Variants in CDK14 observed in about 807,000 individuals in gnomAD.
CDK14 encodes the protein cyclin dependent kinase 14.
A neutral mutation model predicts 60.7 loss-of-function variants in CDK14; 34 were observed. That is an observed-to-expected ratio of 0.56 (90% CI 0.43 to 0.75). CDK14 has a LOEUF of 0.75. CDK14 is among the 30% of genes least tolerant of loss of function. The pLI, the probability that CDK14 is intolerant of heterozygous loss-of-function variation, is 0.00. For missense variants in CDK14, 482 were observed against 564.1 expected (o/e 0.85, Z 1.47); for synonymous variants, 197 against 203.7 (o/e 0.97, Z 0.28).
At position 90,874,503 on chromosome 7, in the gene CDK14, CTTTTTTTTTTTTTTTTTTTT is replaced by C. The variant is rs747439482; in HGVS notation, c.639+11251_639+11270del. ...ATCTGGAATCTCATGTCCTTTCATCCTTTTTTTTTTTTTTTTTTTTTTTTTTTTTTTTTTTTGAGACGGAG... is the reference window on the plus strand; with the variant it reads ...ATCTGGAATCTCATGTCCTTTCATCCTTTTTTTTTTTTTTTTGAGACGGAG... On this transcript the variant is annotated intron_variant, in intron 6 of 14. Transcript: ENST00000380050. Among the ~76,000 whole-genome samples, 9 of 48,010 alleles carry C rather than the reference CTTTTTTTTTTTTTTTTTTTT, an allele frequency of 1.9e-4. No individual in the cohort carries two copies. In the South Asian group the frequency reaches 7.5e-3, roughly 40 times the overall value. The allele number at this position is 48,010 out of a possible 152,430, so 31.5% of individuals were successfully genotyped here.
rs549142223 is a variant in CDK14 at position 90,863,668 on chromosome 7, A to ATGTGTGTGTGTGTGTGTGTG, written c.639+400_639+401insGTGTGTGTGTGTGTGTGTGT. On this transcript the variant is annotated intron_variant, in intron 6 of 14. Transcript: ENST00000380050. ...GTTTCTCAAAAGCATGCTTATTAAGATATGTGTGTGTGTGTGTGTGTGTGT... is the reference window on the plus strand; with the variant it reads ...GTTTCTCAAAAGCATGCTTATTAAGATGTGTGTGTGTGTGTGTGTGTATGTGTGTGTGTGTGTGTGTGTGT... Among the ~76,000 whole-genome samples the ATGTGTGTGTGTGTGTGTGTG allele has an allele frequency of 8.8e-4, 43 of 48,894 alleles. No individual in the cohort carries two copies. The South Asian group carries it at 0.015, about 16-fold the overall frequency. The allele number at this position is 48,894 out of a possible 152,430, so 32.1% of individuals were successfully genotyped here. A position where few individuals can be genotyped will look rare whatever the true frequency, so the allele number is the denominator to read the frequency against.
chr7:90,941,985 C>A (rs906578874), intron 8 of CDK14, among the ~76,000 whole-genome samples: 3 of 152,194 alleles, frequency 2.0e-5, no homozygotes, highest in African/African-American at 7.2e-5. Context: ...TAGTCGGCTA[C>A]AATGCAGCTG....
chr7:91,011,372 G>A (rs550527657), intron 10 of CDK14, among the ~76,000 whole-genome samples: 2 of 152,192 alleles, frequency 1.3e-5, no homozygotes, highest in Non-Finnish European at 2.9e-5. Flanking sequence ...CTGCTTTAAA[G>A]ATATTCTCTT....
At chr7:90,841,793 CT>C (rs1251929130) in intron 5 of CDK14, among the ~76,000 whole-genome samples, 2 of 151,786 alleles carry the variant, frequency 1.3e-5, no homozygotes, top group Non-Finnish European at 2.9e-5. Flanking sequence ...CAGACACTTG[CT>C]TATGGAAAAG....
chr7:90,847,255 C>G (rs1273523838), intron 5 of CDK14, among the ~76,000 whole-genome samples: 1 of 152,032 alleles, frequency 6.6e-6, no homozygotes, highest in Non-Finnish European at 1.5e-5. Context: ...TCCATATCTT[C>G]CGAGGTTAGA....
intron 7 of CDK14, among the ~76,000 whole-genome samples, chr7:90,908,508 G>A (rs1792785252): frequency 6.6e-6 from 1 of 152,072 alleles, no homozygotes; most frequent in African/African-American, 2.4e-5. Context: ...ACCCAACTTG[G>A]GAGTTCCCAT....
chr7:91,022,023 T>A (rs1796444944), intron 10 of CDK14, among the ~76,000 whole-genome samples: 2 of 152,160 alleles, frequency 1.3e-5, no homozygotes, highest in Non-Finnish European at 2.9e-5. Context: ...GGCCTGACAG[T>A]CATCTCTCCA....
At chr7:90,856,812 T>G (rs553311216) in intron 5 of CDK14, among the ~76,000 whole-genome samples, 94 of 152,276 alleles carry the variant, frequency 6.2e-4, no homozygotes, top group African/African-American at 2.1e-3. Context: ...GCTGTGGGCT[T>G]GAAAAAAAAG....
At chr7:91,200,721 G>A (rs142200050) in intron 14 of CDK14, among the ~76,000 whole-genome samples, 8 of 152,286 alleles carry the variant, frequency 5.3e-5, no homozygotes, top group East Asian at 1.9e-4. Context: ...CTGTCTGGGT[G>A]CCCAAGTAAG....
intron 10 of CDK14, among the ~76,000 whole-genome samples, chr7:90,998,614 C>T (rs802419): frequency 0.72 from 109,885 of 152,186 alleles, 39,844 homozygotes; most frequent in East Asian, 0.77. Context: ...ATAGGCCGGG[C>T]GCGGTGGCTC....
intron 2 of CDK14, among the ~76,000 whole-genome samples, chr7:90,663,512 A>G (rs1231702419): frequency 6.6e-6 from 1 of 152,134 alleles, no homozygotes; most frequent in Non-Finnish European, 1.5e-5. Flanking sequence ...AGGAGAAACC[A>G]TTGTTTTCTT....
chr7:90,792,586 C>T (rs1052093995), intron 5 of CDK14, among the ~76,000 whole-genome samples: 2 of 152,124 alleles, frequency 1.3e-5, no homozygotes, highest in Non-Finnish European at 2.9e-5. Flanking sequence ...CAAATCTAGC[C>T]ATGAACAAGC....
At chr7:90,662,702 G>A (rs1418719707) in intron 2 of CDK14, among the ~76,000 whole-genome samples, 1 of 152,218 alleles carries the variant, frequency 6.6e-6, no homozygotes, top group East Asian at 1.9e-4. Context: ...TGCACCATGA[G>A]CTGTTAGGAT....
At chr7:90,930,959 T>C (rs192158301) in intron 8 of CDK14, among the ~76,000 whole-genome samples, 79 of 152,354 alleles carry the variant, frequency 5.2e-4, no homozygotes, top group Middle Eastern at 3.4e-3. Context: ...AATAATCTTA[T>C]AAGATCATAT....
At chr7:90,897,634 A>T (rs1792379968) in intron 6 of CDK14, among the ~76,000 whole-genome samples, 1 of 151,990 alleles carries the variant, frequency 6.6e-6, no homozygotes, top group Non-Finnish European at 1.5e-5. Flanking sequence ...TGTTATCCTT[A>T]TTTAAGGATG....
chr7:90,986,273 G>A (rs1795370014), intron 10 of CDK14, among the ~76,000 whole-genome samples: 1 of 151,922 alleles, frequency 6.6e-6, no homozygotes, highest in African/African-American at 2.4e-5. Context: ...ATAATAAAAT[G>A]CTGCCAGAAA....
chr7:90,793,692 T>G (rs117469503), intron 5 of CDK14, among the ~76,000 whole-genome samples: 156 of 138,218 alleles, frequency 1.1e-3, no homozygotes, highest in Non-Finnish European at 2.0e-3. Context: ...GTTTAGTGGA[T>G]GAGAGCTTGG....
chr7:90,789,483 A>AATAATTGG (rs1805737398), intron 4 of CDK14, among the ~76,000 whole-genome samples: 1 of 152,094 alleles, frequency 6.6e-6, no homozygotes, highest in Non-Finnish European at 1.5e-5. Flanking sequence ...TTGGATTGAA[A>AATAATTGG]ATAATTGGGA....
chr7:91,161,444 G>C (rs879353586), intron 14 of CDK14, among the ~76,000 whole-genome samples: 2 of 152,148 alleles, frequency 1.3e-5, no homozygotes, highest in African/African-American at 2.4e-5. Context: ...AAAATGCAAG[G>C]TTTATTGTTT....
Sources: allele counts gnomAD v4.1 joint callset (sites outside exome capture counted in the v4.1 genomes callset), GRCh38; gene constraint gnomAD v4.1.1; transcripts MANE v1.5; gene names NCBI Gene and HGNC (gene_info 2026-07-23, HGNC 2026-07-21).